The following GUCY2F variants were observed in gnomAD, a reference collection of about 807,000 sequenced individuals.
The protein encoded by GUCY2F is retinal guanylyl cyclase 2.
A neutral mutation model predicts 73.1 loss-of-function variants in GUCY2F; 61 were observed. That is an observed-to-expected ratio of 0.83 (90% CI 0.68 to 1.03). GUCY2F has a LOEUF of 1.03. GUCY2F is among the 50% of genes least tolerant of loss of function. GUCY2F has a pLI of 0.00. For synonymous variants in GUCY2F, 331 were observed against 307.8 expected (o/e 1.08, Z -0.79); for missense variants, 912 against 854.3 (o/e 1.07, Z -0.84).
intron 17 of GUCY2F, among the ~76,000 whole-genome samples, chrX:109,377,705 A>G (rs778642231): frequency 1.3e-3 from 146 of 111,305 alleles, no homozygotes; most frequent in African/African-American, 4.2e-3. Context: ...AGGGCCCCCC[A>G]CCCTCAGCCA....
At chrX:109,384,409 T>A (rs1480701254) in intron 16 of GUCY2F, among the ~76,000 whole-genome samples, 1 of 112,431 alleles carries the variant, frequency 8.9e-6, no homozygotes, top group Non-Finnish European at 1.9e-5. Flanking sequence ...AAAAAATGCT[T>A]TGCTCAACCA....
chrX:109,430,291 C>T lies in GUCY2F; in HGVS notation c.1791+16G>A, dbSNP rs184317434. The T allele has an allele frequency of 3.2e-5, 27 of 852,478 alleles. No individual in the cohort carries two copies. In the African/African-American group the frequency reaches 4.2e-4, roughly 13 times the overall value. The allele number at this position is 852,478 out of a possible 1,213,427, so 70.3% of individuals were successfully genotyped here. On this transcript the variant is annotated intron_variant, in intron 8 of 19. Transcript: ENST00000218006. The stretch of plus-strand genomic sequence containing the variant: ...TTATTTTAGTGGGAATTTACATAAA[C>T]GAAGATTTCTCATACCATTTCGAAC...
At chrX:109,438,448 G>A (rs949785090) in intron 7 of GUCY2F, among the ~76,000 whole-genome samples, 3 of 112,709 alleles carry the variant, frequency 2.7e-5, no homozygotes, top group South Asian at 7.3e-4. Context: ...ATGTTCTTCC[G>A]AAATACAATG....
At chrX:109,379,123 C>T (rs1438862859) in intron 17 of GUCY2F, among the ~76,000 whole-genome samples, 3 of 111,980 alleles carry the variant, frequency 2.7e-5, no homozygotes, top group African/African-American at 9.7e-5. Flanking sequence ...ATAAGCCAGG[C>T]ACAGAAAGGC....
intron 8 of GUCY2F, among the ~76,000 whole-genome samples, chrX:109,427,248 T>C (rs1931510133): frequency 8.9e-6 from 1 of 112,118 alleles, no homozygotes; most frequent in Admixed American, 9.4e-5. Flanking sequence ...GCAGTTTCCT[T>C]CTCTTCACAT....
chrX:109,465,068 G>A, intron 3 of GUCY2F, 74 bp downstream of exon 3: 1 of 783,570 alleles, frequency 1.3e-6, no homozygotes, highest in Non-Finnish European at 1.9e-6. Context: ...AATTGAGACT[G>A]TTGGTCTGAA....
intron 2 of GUCY2F, among the ~76,000 whole-genome samples, chrX:109,473,439 C>G (rs1164251111): frequency 8.9e-6 from 1 of 111,958 alleles, no homozygotes; most frequent in Admixed American, 9.5e-5. Flanking sequence ...TCTGGCTGCA[C>G]GTTACAAGCG....
intron 7 of GUCY2F, among the ~76,000 whole-genome samples, chrX:109,436,941 T>TA (rs1438698208): frequency 1.9e-4 from 12 of 63,753 alleles, no homozygotes; most frequent in Admixed American, 9.9e-4. Context: ...ATAATAATAA[T>TA]AAAAAAAGAA....
At chrX:109,481,823 C>T (rs1267312602) in intron 1 of GUCY2F, 43 bp downstream of exon 1, 2 of 110,404 alleles carry the variant, frequency 1.8e-5, no homozygotes, top group African/African-American at 6.6e-5. Context: ...TTTTTTCCCC[C>T]CATTACAATC....
At chrX:109,455,154 G>T (rs1007616166) in intron 3 of GUCY2F, among the ~76,000 whole-genome samples, 1 of 111,115 alleles carries the variant, frequency 9.0e-6, no homozygotes, top group African/African-American at 3.3e-5. Context: ...AAAAAGAGAT[G>T]CTTTTAGTTT....
At chrX:109,473,431 T>C (rs758636719) in intron 2 of GUCY2F, among the ~76,000 whole-genome samples, 1 of 112,184 alleles carries the variant, frequency 8.9e-6, no homozygotes, top group East Asian at 2.8e-4. Context: ...TTCTCAACTC[T>C]GGCTGCACGT....
In GUCY2F at chrX:109,458,592, G is replaced by T. The variant is rs781034380; in HGVS notation, c.1033-4733C>A. 1.2e-4 allele frequency among the ~76,000 whole-genome samples: 13 copies of T among 111,089 alleles called. No individual in the cohort carries two copies. In the East Asian group the frequency reaches 3.7e-3, roughly 31 times the overall value. ...GAACTGGTGATCAAGAAGTACTAGA[G>T]TCCCAATTTTAGATCCAATTTCCTT... is the stretch of plus-strand genomic sequence containing the variant. On this transcript the variant is annotated intron_variant, in intron 3 of 19. Coordinates refer to ENST00000218006, the MANE Select transcript of GUCY2F (RefSeq NM_001522.3).
At chrX:109,388,228 T>C (rs1281023874) in intron 15 of GUCY2F, among the ~76,000 whole-genome samples, 4 of 111,655 alleles carry the variant, frequency 3.6e-5, no homozygotes, top group Non-Finnish European at 7.5e-5. Flanking sequence ...TCTTGTAGCA[T>C]AGTCAAACAT....
chrX:109,392,665 G>A (rs1017173722), intron 13 of GUCY2F, among the ~76,000 whole-genome samples: 1 of 111,937 alleles, frequency 8.9e-6, no homozygotes, highest in Non-Finnish European at 1.9e-5. Context: ...AAACTTAAAT[G>A]ACCAGCATGA....
intron 14 of GUCY2F, among the ~76,000 whole-genome samples, chrX:109,390,995 T>G (rs1180160846): frequency 8.9e-6 from 1 of 112,446 alleles, no homozygotes; most frequent in Non-Finnish European, 1.9e-5. Flanking sequence ...CTGTGAAGAA[T>G]CCAATGAATG....
At chrX:109,445,100 C>T (rs766735566) in intron 6 of GUCY2F, among the ~76,000 whole-genome samples, 20 of 111,672 alleles carry the variant, frequency 1.8e-4, no homozygotes, top group Non-Finnish European at 3.2e-4. Flanking sequence ...GTCTCTCTAA[C>T]TTAACTGTAA....
At chrX:109,474,325 C>T (rs1364152282) in intron 2 of GUCY2F, among the ~76,000 whole-genome samples, 4 of 111,375 alleles carry the variant, frequency 3.6e-5, no homozygotes, top group Non-Finnish European at 5.7e-5. Flanking sequence ...TGAATCATAG[C>T]CATCTCCAGA....
intron 8 of GUCY2F, among the ~76,000 whole-genome samples, chrX:109,425,457 A>C (rs1157022150): frequency 2.8e-5 from 3 of 108,584 alleles, no homozygotes; most frequent in Non-Finnish European, 5.7e-5. Context: ...ATATGATGGA[A>C]TACCACTCAG....
intron 15 of GUCY2F, among the ~76,000 whole-genome samples, chrX:109,386,715 A>G (rs1393485350): frequency 8.9e-6 from 1 of 112,072 alleles, no homozygotes; most frequent in Non-Finnish European, 1.9e-5. Flanking sequence ...GTGGATGGCC[A>G]TGAAGAAGTA....
Sources: gnomAD v4.1 joint callset for allele counts (sites outside exome capture counted in the v4.1 genomes callset) on GRCh38, gnomAD v4.1.1 for gene constraint, MANE v1.5 for transcripts, NCBI Gene and HGNC (gene_info 2026-07-23, HGNC 2026-07-21) for gene names.